The following ZNF37A variants were observed in gnomAD, a reference collection of about 807,000 sequenced individuals.
The protein encoded by ZNF37A is zinc finger protein 37a (KOX 21).
Under a neutral mutation model 12.3 loss-of-function variants are expected in ZNF37A, and 10 were observed. That is an observed-to-expected ratio of 0.82 (90% CI 0.50 to 1.38). ZNF37A has a LOEUF of 1.38. ZNF37A is among the 40% of genes most tolerant of loss of function. ZNF37A has a pLI of 0.00. For synonymous variants in ZNF37A, 207 were observed against 223.0 expected, an observed-to-expected ratio of 0.93 and a Z score of 0.64; for missense variants, 580 against 651.2, an observed-to-expected ratio of 0.89 and a Z score of 1.19.
chr10:38,102,525 T>C (rs1419413584), intron 5 of ZNF37A, among the ~76,000 whole-genome samples: 1 of 152,212 alleles, frequency 6.6e-6, no homozygotes, highest in East Asian at 1.9e-4. Flanking sequence ...ATTACATAGA[T>C]GCATAATTAT....
intron 7 of ZNF37A, 93 bp downstream of exon 7, chr10:38,115,383 C>T: frequency 8.7e-6 from 13 of 1,496,126 alleles, no homozygotes; most frequent in Non-Finnish European, 1.2e-5. Context: ...CTTTAGGAAT[C>T]ATGTTTTAGA....
At chr10:38,135,612 T>A (rs947252497) in intron 7 of ZNF37A, among the ~76,000 whole-genome samples, 2 of 152,216 alleles carry the variant, frequency 1.3e-5, no homozygotes, top group African/African-American at 4.8e-5. Context: ...CTCAAATTGC[T>A]ATTAAGGAAG....
chr10:38,131,132 A>G (rs574092468), intron 7 of ZNF37A, among the ~76,000 whole-genome samples: 1 of 152,254 alleles, frequency 6.6e-6, no homozygotes, highest in East Asian at 1.9e-4. Context: ...ATGGTTGGCA[A>G]TTATTTTATC....
In ZNF37A at chr10:38,112,810, CTTCTT is replaced by C. The variant is rs1412028098; in HGVS notation, c.16-1933_16-1929del. Among the ~76,000 whole-genome samples, 120 of 55,368 alleles carry C rather than the reference CTTCTT, an allele frequency of 2.2e-3. 4 individuals carry two copies. The highest frequency in any genetic ancestry group is 6.6e-3 in the African/African-American group (88 of 13,430). 36.3% of individuals were successfully genotyped at this position (55,368 alleles called of 152,430 possible). ...CTTTTCTTTTCTTGTCTTGTCTTGT[CTTCTT>C]TTCTTTTCTTTCACAGAGTTTCACT... On this transcript the variant is annotated intron_variant, in intron 5 of 7. Transcript: ENST00000685332.
At chr10:38,125,355 A>G (rs1222645230), downstream of ZNF37A, 1 of 152,166 alleles carries the variant, frequency 6.6e-6, no homozygotes, top group African/African-American at 2.4e-5. Context: ...TGGTGAAAGA[A>G]TGGTGTGGAA....
chr10:38,112,768 T>TGG lies in ZNF37A; in HGVS notation c.16-1987_16-1986insGG, dbSNP rs1564932199. ...TTCTTTTCTTTTCTTTTCTTTTCTTTTCTTTTCTTTTCTTTTCTTTTCTTT... is the reference window on the plus strand; with the variant it reads ...TTCTTTTCTTTTCTTTTCTTTTCTTTGGTCTTTTCTTTTCTTTTCTTTTCTTT... On this transcript the variant is annotated intron_variant, in intron 5 of 7. Coordinates refer to ENST00000685332, the MANE Select transcript of ZNF37A (RefSeq NM_001324250.3). Among the ~76,000 whole-genome samples, 39 of 64,184 alleles carry TGG rather than the reference T, an allele frequency of 6.1e-4. 3 individuals are homozygous for TGG. The highest frequency in any genetic ancestry group is 1.9e-3 in the African/African-American group (32 of 17,228). The allele number at this position is 64,184 out of a possible 152,430, so 42.1% of individuals were successfully genotyped here.
At position 38,124,010 on chromosome 10, in the gene ZNF37A, A is replaced by G. The variant is rs1016376096; in HGVS notation, c.*5173A>G. 1 of 152,210 alleles carries G rather than the reference A, an allele frequency of 6.6e-6. No homozygotes were observed. Among genetic ancestry groups the G allele is most frequent in the Non-Finnish European group, 1.5e-5 (1 of 68,030 alleles). The allele number at this position is 152,210 out of a possible 1,614,324, so 9.4% of individuals were successfully genotyped here. A position where few individuals can be genotyped will look rare whatever the true frequency, so the allele number is the denominator to read the frequency against. ...TATACCCCAAAGACAGGAAATCAGT[A>G]TATTGAAGATATATCTGCACCGTGT... is the stretch of plus-strand genomic sequence containing the variant. On this transcript the variant is annotated 3_prime_UTR_variant, in exon 8 of 8. Transcript: ENST00000685332.
At chr10:38,147,599 T>G (rs1196372029) in exon 8 of ZNF37A, 1 of 152,192 alleles carries the variant, frequency 6.6e-6, no homozygotes, top group Admixed American at 6.5e-5. Flanking sequence ...CCTTGCATGT[T>G]AAAACATTCT....
In ZNF37A at chr10:38,094,367, C is replaced by G. The variant is rs1274440641; in HGVS notation, c.-615C>G. ...GTAGTGTGCACTTTTCGGCCCCCGT[C>G]GCGGGAGCCGCTTCGGGCCTTCTGG... On this transcript the variant is annotated 5_prime_UTR_variant, in exon 1 of 8. Transcript: ENST00000685332. The G allele has an allele frequency of 2.6e-5, 4 of 151,448 alleles. No individual in the cohort carries two copies. The highest frequency in any genetic ancestry group is 5.9e-5 in the Non-Finnish European group (4 of 67,878). The allele number at this position is 151,448 out of a possible 1,614,324, so 9.4% of individuals were successfully genotyped here. A position where few individuals can be genotyped will look rare whatever the true frequency, so the allele number is the denominator to read the frequency against.
At position 38,115,208 on chromosome 10, in the gene ZNF37A, T is replaced by C. The variant is rs2069171849; in HGVS notation, c.156T>C (p.Pro52=). The C allele has an allele frequency of 1.2e-6, 2 of 1,612,038 alleles. No individual in the cohort carries two copies. Among genetic ancestry groups the C allele is most frequent in the Non-Finnish European group, 1.7e-6 (2 of 1,179,010 alleles). Residue 52 remains proline (P), a synonymous_variant, in exon 7 of 8, where the codon CCT becomes CCC. Transcript: ENST00000685332. ...TCTCATTCACAGGGTATTGCATTCC[T>C]AAACCAGAAGTGATTCTCAAGTTGG... is the stretch of plus-strand genomic sequence containing the variant. ...SHLVSVGYCI[P]KPEVILKLEK...
exon 8 of ZNF37A, chr10:38,148,781 T>C (rs1441465738): frequency 6.6e-6 from 1 of 152,144 alleles, no homozygotes; most frequent in Non-Finnish European, 1.5e-5. Flanking sequence ...CATCAATAGG[T>C]CTGCTTGTCT....
intron 5 of ZNF37A, among the ~76,000 whole-genome samples, chr10:38,106,044 A>G (rs1303611611): frequency 6.6e-6 from 1 of 152,130 alleles, no homozygotes; most frequent in African/African-American, 2.4e-5. Flanking sequence ...GTGTGAAAGC[A>G]CTATCATTGC....
In ZNF37A at chr10:38,118,779, GA is replaced by G. The variant is rs1564374365; in HGVS notation, c.1630del (p.Ile544TyrfsTer8). 1 of 1,609,236 alleles carries G rather than the reference GA, an allele frequency of 6.2e-7. No individual in the cohort carries two copies. The highest frequency in any genetic ancestry group is 1.1e-5 in the South Asian group (1 of 90,144). On this transcript the variant is annotated frameshift_variant, in exon 8 of 8. Coordinates refer to ENST00000685332, the MANE Select transcript of ZNF37A (RefSeq NM_001324250.3). LOFTEE classifies it low-confidence loss of function (END_TRUNC). ...YVKSKLTVHQ[R>X]IHLGRNPINV... ...AAGTCAAAACTAACTGTACATCAGA[GA>G]ATACACTTGGGGAGAAACCCTATAA...
At chr10:38,144,063 G>A (rs1366902845) in intron 7 of ZNF37A, 1 of 152,176 alleles carries the variant, frequency 6.6e-6, no homozygotes, top group East Asian at 1.9e-4. Flanking sequence ...AGGTCAACAG[G>A]GTTGTGGAAG....
At chr10:38,147,861 A>C (rs1207088510) in exon 8 of ZNF37A, 1 of 152,260 alleles carries the variant, frequency 6.6e-6, no homozygotes, top group Non-Finnish European at 1.5e-5. Flanking sequence ...TGAGGACAAT[A>C]GGCCTTTCTC....
At chr10:38,103,813 C>G (rs754489175) in intron 5 of ZNF37A, among the ~76,000 whole-genome samples, 3 of 152,156 alleles carry the variant, frequency 2.0e-5, no homozygotes, top group Non-Finnish European at 2.9e-5. Flanking sequence ...TAGTGGTCGT[C>G]TGTGATTTGA....
chr10:38,138,468 A>C (rs1277590855), intron 7 of ZNF37A: 2 of 152,232 alleles, frequency 1.3e-5, no homozygotes, highest in Admixed American at 1.3e-4. Flanking sequence ...TATGTACTTC[A>C]TGGAATATGT....
intron 5 of ZNF37A, among the ~76,000 whole-genome samples, chr10:38,113,845 G>A (rs1028186434): frequency 4.6e-5 from 7 of 152,124 alleles, no homozygotes; most frequent in East Asian, 1.9e-4. Flanking sequence ...TCTGCTATTC[G>A]CATCAATGAC....
chr10:38,117,322 T>C lies in ZNF37A; in HGVS notation c.239-68T>C, dbSNP rs563993275. On this transcript the variant is annotated intron_variant, in intron 7 of 7. Transcript: ENST00000685332. ...GCCTAAACTGAGCCATGCCTTCAAA[T>C]ATAATGCTAAGTTTATTTCTCTTAC... 3.9e-6 allele frequency: 6 copies of C among 1,521,456 alleles called. No individual in the cohort carries two copies. The East Asian group carries it at 9.1e-5, about 23-fold the overall frequency. The allele number at this position is 1,521,456 out of a possible 1,614,324, so 94.2% of individuals were successfully genotyped here.
Sources: allele counts gnomAD v4.1 joint callset (sites outside exome capture counted in the v4.1 genomes callset), GRCh38; gene constraint gnomAD v4.1.1; transcripts MANE v1.5; gene names NCBI Gene and HGNC (gene_info 2026-07-23, HGNC 2026-07-21).